Variants in SIPA1L3 observed in about 807,000 individuals in gnomAD.
The protein encoded by SIPA1L3 is signal-induced proliferation-associated 1-like protein 3.
Under a neutral mutation model 150.1 loss-of-function variants are expected in SIPA1L3, and 59 were observed. That is an observed-to-expected ratio of 0.39 (90% CI 0.32 to 0.49). The LOEUF is 0.49. Ranked by LOEUF, SIPA1L3 falls within the 20% of genes least tolerant of loss-of-function variation. The pLI, the probability that SIPA1L3 is intolerant of heterozygous loss-of-function variation, is 0.86. For missense variants in SIPA1L3, 2,211 were observed against 2,489.5 expected, an observed-to-expected ratio of 0.89 and a Z score of 2.38; for synonymous variants, 1,070 against 1,077.6, an observed-to-expected ratio of 0.99 and a Z score of 0.14.
At chr19:38,144,503 T>C (rs901941828) in intron 12 of SIPA1L3, among the ~76,000 whole-genome samples, 14 of 152,244 alleles carry the variant, frequency 9.2e-5, no homozygotes, top group African/African-American at 1.4e-4. Context: ...ATACAGATTA[T>C]TGGGCCTGAG....
intron 8 of SIPA1L3, among the ~76,000 whole-genome samples, chr19:38,111,504 C>T (rs765157807): frequency 9.9e-5 from 15 of 152,140 alleles, no homozygotes; most frequent in Non-Finnish European, 1.9e-4. Flanking sequence ...AAGCATACAG[C>T]TGTAAAAGAA....
At position 38,182,720 on chromosome 19, in the gene SIPA1L3, C is replaced by A; in HGVS notation, c.4410C>A (p.Leu1470=). 2 of 1,613,062 alleles carry A rather than the reference C, an allele frequency of 1.2e-6. No individual in the cohort carries two copies. The highest frequency in any genetic ancestry group is 1.7e-6 in the Non-Finnish European group (2 of 1,179,532). ...KRTEEPPPRP[L]PFSDPKKQVD... ...CGGAGGAGCCCCCACCACGGCCACT[C>A]CCCTTCAGTGACCCAAAGAAGTAAG... Residue 1470 remains leucine (L), a synonymous_variant, in exon 16 of 22, where the codon CTC becomes CTA. Transcript: ENST00000222345.
At chr19:38,021,880 A>G (rs556676171) in intron 1 of SIPA1L3, among the ~76,000 whole-genome samples, 1 of 152,328 alleles carries the variant, frequency 6.6e-6, no homozygotes, top group Non-Finnish European at 1.5e-5. Flanking sequence ...GAGAGGGGAA[A>G]TGCTTCTCTA....
intron 3 of SIPA1L3, among the ~76,000 whole-genome samples, chr19:38,087,295 G>A (rs1228370757): frequency 6.6e-6 from 1 of 152,196 alleles, no homozygotes. Flanking sequence ...GGAATAAGCT[G>A]GTATTTGTGA....
intron 2 of SIPA1L3, among the ~76,000 whole-genome samples, chr19:38,055,049 T>C (rs1969285857): frequency 6.6e-6 from 1 of 152,186 alleles, no homozygotes; most frequent in Admixed American, 6.6e-5. Flanking sequence ...TGGTTAGGCA[T>C]AGAGGCTCAC....
At chr19:38,197,141 C>A (rs1306114647) in intron 18 of SIPA1L3, among the ~76,000 whole-genome samples, 2 of 152,130 alleles carry the variant, frequency 1.3e-5, no homozygotes, top group Admixed American at 1.3e-4. Context: ...CCTCCGCCAG[C>A]CTCACAGTGA....
At chr19:37,909,036 A>T (rs745331348) in intron 1 of SIPA1L3, among the ~76,000 whole-genome samples, 13 of 152,158 alleles carry the variant, frequency 8.5e-5, no homozygotes, top group Non-Finnish European at 1.8e-4. Flanking sequence ...ACCAGTAGTC[A>T]CCATCTTGGC....
intron 1 of SIPA1L3, among the ~76,000 whole-genome samples, chr19:37,990,828 T>TGATGAC (rs1377596921): frequency 4.6e-5 from 7 of 152,212 alleles, no homozygotes; most frequent in African/African-American, 1.4e-4. Flanking sequence ...TCCGAGTGCT[T>TGATGAC]TTTAATCCCC....
rs1282094581 is a variant in SIPA1L3 at position 38,164,603 on chromosome 19, C to T, written c.3905C>T (p.Ser1302Phe). Residue 1302 changes from serine to phenylalanine, a missense_variant, in exon 15 of 22, where the codon TCC becomes TTC. By Grantham distance (155) the Ser-to-Phe change is radical. Coordinates refer to ENST00000222345, the MANE Select transcript of SIPA1L3 (RefSeq NM_015073.3). The surrounding 1 kb of genome is among the most constrained non-coding windows in gnomAD (Gnocchi z 4.1). The stretch of plus-strand genomic sequence containing the variant: ...CTGGAGCCAGAGCAAGACCCCCTCT[C>T]CAAGGGTGGCTCTAGTGACAGCGGC... ...DPLEPEQDPL[S>F]KGGSSDSGID... The T allele has an allele frequency of 2.5e-6, 4 of 1,614,048 alleles. No homozygotes were observed.
intron 16 of SIPA1L3, among the ~76,000 whole-genome samples, chr19:38,186,708 G>A (rs889493235): frequency 6.6e-5 from 10 of 150,962 alleles, no homozygotes; most frequent in South Asian, 2.1e-4. Flanking sequence ...AACCAAGGCC[G>A]AGTGTGGCGC....
chr19:37,912,487 G>A (rs2046384721), intron 1 of SIPA1L3, among the ~76,000 whole-genome samples: 1 of 152,094 alleles, frequency 6.6e-6, no homozygotes, highest in African/African-American at 2.4e-5. Context: ...CAAGCCTTCA[G>A]GGCAGGGCCA....
At chr19:38,088,960 A>G (rs1970202251) in intron 4 of SIPA1L3, 109 bp downstream of exon 4, 1 of 1,237,030 alleles carries the variant, frequency 8.1e-7, no homozygotes, top group Non-Finnish European at 1.1e-6. Flanking sequence ...AATCCTCCCA[A>G]CAACCCCGGG....
rs2145751892 is a variant in SIPA1L3 at position 38,047,025 on chromosome 19, T to C, written c.-311+17869T>C. Among the ~76,000 whole-genome samples the C allele has an allele frequency of 6.6e-6, 1 of 152,124 alleles. No individual in the cohort carries two copies. Among genetic ancestry groups the C allele is most frequent in the Non-Finnish European group, 1.5e-5 (1 of 67,998 alleles). ...TCCCCACTGCTAAGTATGTTATAGG[T>C]GTTGACCCACTTAGTCCTCCCAAAA... is the stretch of plus-strand genomic sequence containing the variant. On this transcript the variant is annotated intron_variant, in intron 2 of 21. Transcript: ENST00000222345. The surrounding 1 kb of genome is among the most constrained non-coding windows in gnomAD (Gnocchi z 4.7).
chr19:37,982,287 T>G (rs1459796247), intron 1 of SIPA1L3, among the ~76,000 whole-genome samples: 3 of 152,186 alleles, frequency 2.0e-5, no homozygotes, highest in Non-Finnish European at 4.4e-5. Flanking sequence ...GATTGCCTGG[T>G]GGACACTCCA....
chr19:38,188,674 G>A (rs1421664754), intron 16 of SIPA1L3, among the ~76,000 whole-genome samples: 1 of 151,978 alleles, frequency 6.6e-6, no homozygotes, highest in Non-Finnish European at 1.5e-5. Flanking sequence ...TGTAATCCCA[G>A]CACTTTGGGA....
intron 2 of SIPA1L3, among the ~76,000 whole-genome samples, chr19:38,031,349 A>T (rs1439945305): frequency 6.6e-6 from 1 of 152,076 alleles, no homozygotes; most frequent in Admixed American, 6.5e-5. Flanking sequence ...TTCTTCCAAG[A>T]GTCTATTCTT....
intron 17 of SIPA1L3, among the ~76,000 whole-genome samples, chr19:38,193,222 G>C (rs1330024553): frequency 6.6e-6 from 1 of 151,988 alleles, no homozygotes; most frequent in Non-Finnish European, 1.5e-5. Context: ...GCATGCACCT[G>C]TGGTCCCAGC....
At chr19:38,071,201 T>C (rs1404738164) in intron 2 of SIPA1L3, among the ~76,000 whole-genome samples, 1 of 142,158 alleles carries the variant, frequency 7.0e-6, no homozygotes, top group Non-Finnish European at 1.5e-5. Flanking sequence ...TTATGTTGTT[T>C]TATCTATCTA....
In SIPA1L3 at chr19:37,914,379, T is replaced by TTTTC. The variant is rs1322774289; in HGVS notation, c.-379+7024_-379+7025insCTTT. ...TTCAAGTTGATACTACTTTAATTTT[T>TTTTC]TTTTTTTTTGTGGCAGGGTCTGCTC... On this transcript the variant is annotated intron_variant, in intron 1 of 21. Transcript: ENST00000222345. 5.3e-5 allele frequency among the ~76,000 whole-genome samples: 8 copies of TTTTC among 151,798 alleles called. No homozygotes were observed. The East Asian group carries it at 1.4e-3, about 26-fold the overall frequency.
Sources: gnomAD v4.1 joint callset for allele counts (sites outside exome capture counted in the v4.1 genomes callset) on GRCh38, gnomAD v4.1.1 for gene constraint, Gnocchi (gnomAD v3.1) non-coding constraint, MANE v1.5 for transcripts, NCBI Gene and HGNC (gene_info 2026-07-23, HGNC 2026-07-21) for gene names.